Variants in JAK1 observed in about 807,000 individuals in gnomAD.
JAK1 encodes tyrosine-protein kinase JAK1.
JAK1 carries 16 observed loss-of-function variants against 136.6 expected under a neutral mutation model. The ratio of observed to expected loss-of-function variants is 0.12; its 90% CI spans 0.08 to 0.18. The LOEUF (loss-of-function observed/expected upper bound fraction) is 0.18. Among genes scored for constraint, JAK1 ranks in the 10% least tolerant of loss-of-function variants. JAK1 has a pLI of 1.00. For missense variants in JAK1, 859 were observed against 1,450.1 expected (o/e 0.59, Z 6.62); for synonymous variants, 492 against 519.5 (o/e 0.95, Z 0.72).
At chr1:65,013,562 TG>T (rs1229965308) in intron 2 of JAK1, among the ~76,000 whole-genome samples, 2 of 152,196 alleles carry the variant, frequency 1.3e-5, no homozygotes, top group Non-Finnish European at 2.9e-5. Context: ...AATCACTTGC[TG>T]GCATTATTGA....
chr1:64,865,570 T>C (rs1187798568), intron 7 of JAK1, among the ~76,000 whole-genome samples: 1 of 152,200 alleles, frequency 6.6e-6, no homozygotes, highest in Non-Finnish European at 1.5e-5. Context: ...CTTAACTAGT[T>C]ACATCATCTC....
chr1:64,837,195 C>T (rs752291511), intron 22 of JAK1, among the ~76,000 whole-genome samples: 4 of 152,170 alleles, frequency 2.6e-5, no homozygotes, highest in African/African-American at 4.8e-5. Flanking sequence ...ACTCTAAACT[C>T]GGCCTACTTG....
In JAK1 at chr1:64,984,718, C is replaced by A; in HGVS notation, c.-78+59762G>T. ...TGCCCCTCAAAGGCCTATGTGATAT[C>A]CTTGAAAGTCCTGTAACACATCTCA... On this transcript the variant is annotated intron_variant, in intron 2 of 25. Coordinates refer to the JAK1 transcript ENST00000671954. This position sits in a 1 kb window ranked among gnomAD's most constrained non-coding sequence, Gnocchi z 4.1. The A allele has an allele frequency of 1.3e-6, 1 of 772,094 alleles. No homozygotes were observed. Among genetic ancestry groups the A allele is most frequent in the Non-Finnish European group, 2.1e-6 (1 of 470,228 alleles). 47.8% of individuals were successfully genotyped at this position (772,094 alleles called of 1,614,324 possible).
chr1:64,986,225 C>T, intron 2 of JAK1: 1 of 362,284 alleles, frequency 2.8e-6, no homozygotes. Context: ...CCTGCCTCAG[C>T]CTCCCAAATA....
chr1:64,999,898 A>G (rs1413913887), intron 2 of JAK1, among the ~76,000 whole-genome samples: 1 of 151,946 alleles, frequency 6.6e-6, no homozygotes, highest in African/African-American at 2.4e-5. Flanking sequence ...ATATTCTGGC[A>G]TGTCTGGCAT....
chr1:64,941,631 A>G (rs1344898735), intron 1 of JAK1, among the ~76,000 whole-genome samples: 2 of 152,204 alleles, frequency 1.3e-5, no homozygotes, highest in Admixed American at 1.3e-4. Context: ...CAGAGCTGTG[A>G]TGTTACATTC....
At chr1:64,981,903 G>A (rs1646549195) in intron 2 of JAK1, among the ~76,000 whole-genome samples, 1 of 152,134 alleles carries the variant, frequency 6.6e-6, no homozygotes, top group South Asian at 2.1e-4. Flanking sequence ...TCATCACTAA[G>A]AAGAGCACTT....
chr1:65,061,956 T>A (rs938180590), intron 1 of JAK1, among the ~76,000 whole-genome samples: 1 of 152,150 alleles, frequency 6.6e-6, no homozygotes, highest in Non-Finnish European at 1.5e-5. Context: ...CTGAGAGTGA[T>A]TAGAGAAGAG....
At chr1:64,839,145 CAAAAAA>C (rs56058898) in intron 20 of JAK1, among the ~76,000 whole-genome samples, 1 of 59,870 alleles carries the variant, frequency 1.7e-5, no homozygotes, top group Admixed American at 1.8e-4. Flanking sequence ...GACTCCGTCT[CAAAAAA>C]AAAAAAAAAA....
At chr1:64,863,213 CA>C (rs1161201809) in intron 8 of JAK1, among the ~76,000 whole-genome samples, 2 of 147,644 alleles carry the variant, frequency 1.4e-5, no homozygotes, top group African/African-American at 2.5e-5. Context: ...CAGCATATGA[CA>C]GGGGGCCTAA....
chr1:64,915,565 G>A (rs913870025), intron 1 of JAK1, among the ~76,000 whole-genome samples: 6 of 152,212 alleles, frequency 3.9e-5, no homozygotes, highest in African/African-American at 1.4e-4. Context: ...GCACTGTCCA[G>A]TAAAATGGTC....
At position 64,844,708 on chromosome 1, in the gene JAK1, G is replaced by A. The variant is rs1238566137; in HGVS notation, c.2251+46C>T. ...GCCCAGCCCTTCTCTCTGCTGACTTGCCCCTGACTCGGGGTGGGGCCAGAG... is the reference window on the plus strand; with the variant it reads ...GCCCAGCCCTTCTCTCTGCTGACTTACCCCTGACTCGGGGTGGGGCCAGAG... On this transcript the variant is annotated intron_variant, in intron 16 of 24. Coordinates refer to ENST00000342505, the MANE Select transcript of JAK1 (RefSeq NM_002227.4). The surrounding 1 kb of genome is among the most constrained non-coding windows in gnomAD (Gnocchi z 5.7). The A allele has an allele frequency of 1.2e-6, 2 of 1,611,768 alleles. No homozygotes were observed. Among genetic ancestry groups the A allele is most frequent in the South Asian group, 2.2e-5 (2 of 91,010 alleles).
chr1:64,865,543 C>T (rs544083162), intron 7 of JAK1, among the ~76,000 whole-genome samples: 2 of 152,288 alleles, frequency 1.3e-5, no homozygotes, highest in East Asian at 3.9e-4. Flanking sequence ...AGGTTAAGTT[C>T]CTGCCTCTGC....
intron 1 of JAK1, chr1:64,942,460 C>G (rs933673464): frequency 2.6e-5 from 4 of 152,124 alleles, no homozygotes; most frequent in Non-Finnish European, 4.4e-5. Context: ...ATATCGCAGA[C>G]TTGATGCTAG....
intron 19 of JAK1, among the ~76,000 whole-genome samples, chr1:64,840,437 T>C (rs114016984): frequency 1.2e-4 from 19 of 152,328 alleles, no homozygotes; most frequent in South Asian, 8.3e-4. Flanking sequence ...CAAATCTCAG[T>C]AGCTTCTCTA....
At chr1:64,887,927 A>C (rs1263875582) in intron 1 of JAK1, among the ~76,000 whole-genome samples, 3 of 152,186 alleles carry the variant, frequency 2.0e-5, no homozygotes. Context: ...GCCAGTCCAT[A>C]GGCAGTGCTT....
At chr1:64,888,508 T>C (rs1644886156) in intron 1 of JAK1, among the ~76,000 whole-genome samples, 1 of 152,212 alleles carries the variant, frequency 6.6e-6, no homozygotes, top group East Asian at 1.9e-4. Context: ...TAATATGCAC[T>C]ATCAGACCAT....
At chr1:64,866,581 T>C (rs1239851508) in intron 7 of JAK1, among the ~76,000 whole-genome samples, 1 of 152,234 alleles carries the variant, frequency 6.6e-6, no homozygotes, top group East Asian at 1.9e-4. Flanking sequence ...TATAAAATAC[T>C]TAGAAAAGTA....
intron 1 of JAK1, among the ~76,000 whole-genome samples, chr1:64,903,026 A>G (rs1307121671): frequency 3.3e-5 from 5 of 152,032 alleles, no homozygotes; most frequent in Admixed American, 3.3e-4. Flanking sequence ...TGCTGCCAAC[A>G]TGGTTGGTAA....
Sources: gnomAD v4.1 joint callset for allele counts (sites outside exome capture counted in the v4.1 genomes callset) on GRCh38, gnomAD v4.1.1 for gene constraint, Gnocchi (gnomAD v3.1) non-coding constraint, MANE v1.5 for transcripts, NCBI Gene and HGNC (gene_info 2026-07-23, HGNC 2026-07-21) for gene names.